KLF8: variants seen among roughly 807,000 people sequenced by gnomAD.
KLF8 encodes KLF transcription factor 8, also known as Krueppel-like factor 8.
KLF8 carries 10 observed loss-of-function variants against 18.2 expected under a neutral mutation model. That is an observed-to-expected ratio of 0.55 (90% CI 0.34 to 0.93). The LOEUF (loss-of-function observed/expected upper bound fraction) is 0.93. Ranked by LOEUF, KLF8 falls within the 40% of genes least tolerant of loss-of-function variation. KLF8 has a pLI of 0.02. For synonymous variants in KLF8, 109 were observed against 97.3 expected (o/e 1.12, Z -0.71); for missense variants, 264 against 277.9 (o/e 0.95, Z 0.36).
chrX:56,126,898 G>A, the KLF8 span, among the ~76,000 whole-genome samples: 8 of 108,367 alleles, frequency 7.4e-5, no homozygotes, highest in South Asian at 4.0e-4. Flanking sequence ...GATTACAGGC[G>A]CCTACCACCA....
chrX:56,078,696 G>A, the KLF8 span, among the ~76,000 whole-genome samples: 1 of 111,752 alleles, frequency 8.9e-6, no homozygotes, highest in African/African-American at 3.3e-5. Flanking sequence ...TCTATTGACT[G>A]GAATGATTTC....
At position 56,289,934 on chromosome X, in the gene KLF8, C is replaced by A. The variant is rs915369944; in HGVS notation, c.*5440C>A. Among the ~76,000 whole-genome samples, 1 of 111,526 alleles carries A rather than the reference C, an allele frequency of 9.0e-6. No individual in the cohort carries two copies. The highest frequency in any genetic ancestry group is 3.3e-5 in the African/African-American group (1 of 30,687). On this transcript the variant is annotated 3_prime_UTR_variant, in exon 6 of 6. Transcript: ENST00000468660. ...GCCCCCAAAAAGTTTTCTCATGAAC[C>A]AAACCATCAAGAATGTACCTAACCT...
the KLF8 span, among the ~76,000 whole-genome samples, chrX:56,046,038 G>C: frequency 1.8e-5 from 2 of 108,336 alleles, no homozygotes; most frequent in Non-Finnish European, 3.9e-5. Flanking sequence ...CAGTTTTGCT[G>C]AAAGTTTTCA....
the KLF8 span, among the ~76,000 whole-genome samples, chrX:55,929,754 C>T: frequency 1.8e-5 from 2 of 109,821 alleles, no homozygotes; most frequent in East Asian, 2.8e-4. Context: ...AGTGCCATGG[C>T]GTTTTGGTTA....
chrX:56,007,634 C>A, the KLF8 span, among the ~76,000 whole-genome samples: 1 of 111,555 alleles, frequency 9.0e-6, no homozygotes, highest in African/African-American at 3.3e-5. Flanking sequence ...TAAACTCTGT[C>A]TTTGACATGT....
chrX:56,139,120 G>A, the KLF8 span, among the ~76,000 whole-genome samples: 7 of 111,322 alleles, frequency 6.3e-5, no homozygotes, highest in African/African-American at 2.3e-4. Flanking sequence ...TTTGTACAAA[G>A]AAAATTACAA....
the KLF8 span, among the ~76,000 whole-genome samples, chrX:55,924,975 C>T: frequency 9.8e-6 from 1 of 102,556 alleles, no homozygotes; most frequent in East Asian, 3.1e-4. Context: ...CCTGCCTCAG[C>T]CTCACTAGTA....
the KLF8 span, among the ~76,000 whole-genome samples, chrX:56,055,240 C>T: frequency 8.9e-6 from 1 of 111,889 alleles, no homozygotes; most frequent in African/African-American, 3.2e-5. Context: ...TATTTAGTGA[C>T]TTTTTCAGGG....
At chrX:56,196,404 A>C in the KLF8 span, among the ~76,000 whole-genome samples, 2 of 109,515 alleles carry the variant, frequency 1.8e-5, no homozygotes, top group Middle Eastern at 4.6e-3. Context: ...AAGCAAATGG[A>C]AAGCAAAAAA....
chrX:56,161,835 G>A, the KLF8 span, among the ~76,000 whole-genome samples: 3 of 111,706 alleles, frequency 2.7e-5, no homozygotes, highest in Non-Finnish European at 3.8e-5. Flanking sequence ...CTTTGGTGGA[G>A]GAGAGGCACT....
chrX:56,276,680 C>T (rs1158791892), intron 5 of KLF8, among the ~76,000 whole-genome samples: 1 of 111,487 alleles, frequency 9.0e-6, no homozygotes, highest in Non-Finnish European at 1.9e-5. Flanking sequence ...AGGATCCTTT[C>T]TTTATCCTTG....
the KLF8 span, among the ~76,000 whole-genome samples, chrX:56,119,516 G>A: frequency 7.2e-5 from 8 of 110,390 alleles, no homozygotes; most frequent in Admixed American, 1.9e-4. Context: ...CGATTCTCCC[G>A]TCTCAGCCTC....
At chrX:55,993,150 T>C in the KLF8 span, among the ~76,000 whole-genome samples, 44 of 111,529 alleles carry the variant, frequency 3.9e-4, no homozygotes, top group African/African-American at 1.3e-3. Flanking sequence ...ATAGGAGTTA[T>C]GAGAGTTGGC....
chrX:56,161,180 T>A, the KLF8 span, among the ~76,000 whole-genome samples: 3 of 111,926 alleles, frequency 2.7e-5, no homozygotes, highest in African/African-American at 9.7e-5. Flanking sequence ...AAATTCTGGG[T>A]TGAAAATTCT....
the KLF8 span, among the ~76,000 whole-genome samples, chrX:56,197,055 A>C: frequency 8.9e-6 from 1 of 111,864 alleles, no homozygotes; most frequent in East Asian, 2.8e-4. Flanking sequence ...ATGAGAACAA[A>C]GACACAATGT....
At chrX:56,041,743 G>T in the KLF8 span, among the ~76,000 whole-genome samples, 29 of 110,759 alleles carry the variant, frequency 2.6e-4, no homozygotes, top group African/African-American at 9.6e-4. Flanking sequence ...AGGCTGGAGT[G>T]CAGTGGCATG....
chrX:56,093,256 A>T, the KLF8 span, among the ~76,000 whole-genome samples: 2 of 111,417 alleles, frequency 1.8e-5, no homozygotes, highest in East Asian at 5.6e-4. Flanking sequence ...ATTGTATTCA[A>T]ATTACAGAAA....
At chrX:55,914,215 T>C in the KLF8 span, among the ~76,000 whole-genome samples, 2 of 111,883 alleles carry the variant, frequency 1.8e-5, no homozygotes, top group African/African-American at 3.2e-5. Flanking sequence ...TTTCCACTTA[T>C]GTAAGGCAGA....
chrX:56,061,854 G>T, the KLF8 span, among the ~76,000 whole-genome samples: 1 of 110,529 alleles, frequency 9.0e-6, no homozygotes, highest in Non-Finnish European at 1.9e-5. Context: ...CCTGTATTGG[G>T]TGCATATATA....
Sources: allele counts gnomAD v4.1 joint callset (sites outside exome capture counted in the v4.1 genomes callset), GRCh38; gene constraint gnomAD v4.1.1; transcripts MANE v1.5; gene names NCBI Gene and HGNC (gene_info 2026-07-23, HGNC 2026-07-21).